The following ACAN variants were observed in gnomAD, a reference collection of about 807,000 sequenced individuals.
The protein encoded by ACAN is aggrecan, also known as aggrecan core protein.
In ACAN, 47 loss-of-function variants were observed where a neutral mutation model predicts 169.1. That is an observed-to-expected ratio of 0.28 (90% confidence interval 0.22 to 0.35). The LOEUF is 0.35. Among genes scored for constraint, ACAN ranks in the 10% least tolerant of loss-of-function variants. The pLI is 1.00. For synonymous variants in ACAN, 1,115 were observed against 1,112.2 expected, an observed-to-expected ratio of 1.00 and a Z score of -0.05; for missense variants, 2,716 against 2,759.9, an observed-to-expected ratio of 0.98 and a Z score of 0.36.
Position 88,860,370 on chromosome 15 carries a change from T to C in ACAN, c.6877T>C (p.Cys2293Arg). 6.2e-7 allele frequency: 1 copy of C among 1,613,524 alleles called. No individual in the cohort carries two copies. Among genetic ancestry groups the C allele is most frequent in the East Asian group, 2.2e-5 (1 of 44,870 alleles). Residue 2293 changes from cysteine to arginine, a missense_variant, in exon 13 of 19, where the codon TGC becomes CGC. This residue lies in a region of ACAN where 1,389 missense variants were observed against 1,363.7 expected (regional missense o/e 1.02). Transcript: ENST00000560601. ...AGAGGAGCCCTGTGGAGCTGGGACC[T>C]GCAAGGAGACAGAGGGACACGTCAT... ...CAEEPCGAGT[C>R]KETEGHVICL...
At chr15:88,810,277 G>A (rs558104517) in intron 1 of ACAN, among the ~76,000 whole-genome samples, 1 of 149,536 alleles carries the variant, frequency 6.7e-6, no homozygotes, top group East Asian at 1.9e-4. Flanking sequence ...TGGTCCTTGG[G>A]TTACCCATTG....
intron 1 of ACAN, among the ~76,000 whole-genome samples, chr15:88,826,979 C>T (rs1896240160): frequency 6.6e-6 from 1 of 152,208 alleles, no homozygotes. Flanking sequence ...GGCACGTTGT[C>T]TAACCTCTCT....
At position 88,872,878 on chromosome 15, in the gene ACAN, C is replaced by T. The variant is rs1301025256; in HGVS notation, c.7303-3C>T. On this transcript the variant is annotated splice_polypyrimidine_tract_variant and splice_region_variant and intron_variant, in intron 16 of 18. Coordinates refer to ENST00000560601, the MANE Select transcript of ACAN (RefSeq NM_001369268.1). The surrounding 1 kb of genome is among the most constrained non-coding windows in gnomAD (Gnocchi z 5.4). The stretch of plus-strand genomic sequence containing the variant: ...CTTACTCCTTCCCCACTCCCACCCA[C>T]AGCAATTTGAGAACTGGCGCCCCAA... 2 of 1,613,396 alleles carry T rather than the reference C, an allele frequency of 1.2e-6. No individual in the cohort carries two copies. Among genetic ancestry groups the T allele is most frequent in the East Asian group, 2.2e-5 (1 of 44,888 alleles).
chr15:88,832,125 C>T (rs1896379619), intron 1 of ACAN, among the ~76,000 whole-genome samples: 1 of 152,092 alleles, frequency 6.6e-6, no homozygotes, highest in African/African-American at 2.4e-5. Context: ...AGGCCAAAGA[C>T]CACCTGGCTG....
chr15:88,845,952 G>A (rs1164303254), intron 7 of ACAN, 70 bp downstream of exon 7: 13 of 1,409,456 alleles, frequency 9.2e-6, no homozygotes, highest in East Asian at 2.5e-5. Context: ...AGGGATTCCC[G>A]CAGTTGAAGG....
In ACAN at chr15:88,874,303, C is replaced by G; in HGVS notation, c.7631-102C>G. ...CCGATAAAGCCTCAGGCGCCTGAGT[C>G]CTGGTTTCCACAAGGGAGAGAGGGT... On this transcript the variant is annotated intron_variant, in intron 18 of 18. Transcript: ENST00000560601. The surrounding 1 kb of genome is among the most constrained non-coding windows in gnomAD (Gnocchi z 7.3). 8.1e-7 allele frequency: 1 copy of G among 1,240,506 alleles called. No homozygotes were observed. 76.8% of individuals were successfully genotyped at this position (1,240,506 alleles called of 1,614,324 possible). A position where few individuals can be genotyped will look rare whatever the true frequency, so the allele number is the denominator to read the frequency against.
intron 1 of ACAN, among the ~76,000 whole-genome samples, chr15:88,829,192 G>C (rs1027826890): frequency 1.7e-4 from 26 of 152,306 alleles, no homozygotes; most frequent in African/African-American, 5.5e-4. Context: ...AAAAAGACAA[G>C]GTGTTGAAGA....
chr15:88,812,205 C>G (rs1027450641), intron 1 of ACAN, among the ~76,000 whole-genome samples: 1 of 152,126 alleles, frequency 6.6e-6, no homozygotes, highest in Non-Finnish European at 1.5e-5. Context: ...CTCAGTGACC[C>G]AGGGACTCCC....
At position 88,814,589 on chromosome 15, in the gene ACAN, C is replaced by T. The variant is rs938521926; in HGVS notation, c.-8+10780C>T. Among the ~76,000 whole-genome samples the T allele has an allele frequency of 1.3e-5, 2 of 152,306 alleles. No homozygotes were observed. Among genetic ancestry groups the T allele is most frequent in the African/African-American group, 4.8e-5 (2 of 41,570 alleles). On this transcript the variant is annotated intron_variant, in intron 1 of 18. Transcript: ENST00000560601. The surrounding 1 kb of genome is among the most constrained non-coding windows in gnomAD (Gnocchi z 4.0). ...GTGGCAGGTTCTGCTGTACACAGGG[C>T]TCCCACAATGCATCACTCCAGAGGG...
At chr15:88,817,184 C>T (rs560689774) in intron 1 of ACAN, among the ~76,000 whole-genome samples, 1 of 152,274 alleles carries the variant, frequency 6.6e-6, no homozygotes, top group African/African-American at 2.4e-5. Context: ...ATTTGTCACC[C>T]AGGCTGGAGT....
intron 1 of ACAN, among the ~76,000 whole-genome samples, chr15:88,817,577 G>C (rs1394084352): frequency 1.3e-5 from 2 of 151,704 alleles, no homozygotes; most frequent in Non-Finnish European, 2.9e-5. Flanking sequence ...AAATTGGCCA[G>C]GCACGGTGGC....
At chr15:88,829,970 G>A (rs12914483) in intron 1 of ACAN, among the ~76,000 whole-genome samples, 94,220 of 151,774 alleles carry the variant, frequency 0.62, 29,583 homozygotes, top group Middle Eastern at 0.73. Context: ...GCTAAACAGT[G>A]TGTAGAAAGT....
chr15:88,836,413 C>G (rs750516644), intron 2 of ACAN, 137 bp downstream of exon 2: 1 of 776,630 alleles, frequency 1.3e-6, no homozygotes. Context: ...CCCCACCCTT[C>G]CCCTGTTGAT....
At chr15:88,817,993 G>GA (rs1895984815) in intron 1 of ACAN, among the ~76,000 whole-genome samples, 1 of 151,880 alleles carries the variant, frequency 6.6e-6, no homozygotes, top group Non-Finnish European at 1.5e-5. Context: ...TAGATATACA[G>GA]AAAAATAGAA....
At position 88,814,934 on chromosome 15, in the gene ACAN, G is replaced by A. The variant is rs1368134289; in HGVS notation, c.-8+11125G>A. 6.6e-6 allele frequency among the ~76,000 whole-genome samples: 1 copy of A among 151,464 alleles called. No individual in the cohort carries two copies. Among genetic ancestry groups the A allele is most frequent in the East Asian group, 1.9e-4 (1 of 5,156 alleles). On this transcript the variant is annotated intron_variant, in intron 1 of 18. Transcript: ENST00000560601. The surrounding 1 kb of genome is among the most constrained non-coding windows in gnomAD (Gnocchi z 4.0). ...GTGGGGAATCCTAAATGTACCAGAA[G>A]AACCTTTGGTGGTTCTCAGCCAGTT...
intron 1 of ACAN, among the ~76,000 whole-genome samples, chr15:88,809,218 G>T (rs753449413): frequency 6.6e-6 from 1 of 152,140 alleles, no homozygotes; most frequent in Non-Finnish European, 1.5e-5. Flanking sequence ...TTTGGGGCAG[G>T]GTTGCCATAG....
In ACAN at chr15:88,846,051, C is replaced by T. The variant is rs567489009; in HGVS notation, c.1429+169C>T. Reference sequence around the variant, plus strand: ...CATCTGTGGAACAAAAACAATAGGCCAGACTAGTCAGGTCCACACTCTTGC... The same window carrying T: ...CATCTGTGGAACAAAAACAATAGGCTAGACTAGTCAGGTCCACACTCTTGC... On this transcript the variant is annotated intron_variant, in intron 7 of 18. Transcript: ENST00000560601. Among the ~76,000 whole-genome samples, 342 of 152,302 alleles carry T rather than the reference C, an allele frequency of 2.2e-3. 1 individual carries two copies. Among genetic ancestry groups the T allele is most frequent in the African/African-American group, 8.0e-3 (331 of 41,552 alleles).
intron 1 of ACAN, among the ~76,000 whole-genome samples, chr15:88,821,269 A>T (rs1228280603): frequency 1.3e-5 from 2 of 152,124 alleles, no homozygotes; most frequent in African/African-American, 4.8e-5. Flanking sequence ...CCTCCCGAGT[A>T]GCTGGAACCA....
rs541225949 is a variant in ACAN at position 88,841,697 on chromosome 15, T to C, written c.630-43T>C. 12 of 1,612,540 alleles carry C rather than the reference T, an allele frequency of 7.4e-6. No homozygotes were observed. In the Admixed American group the frequency reaches 1.5e-4, roughly 20 times the overall value. ...CAAAGGCAGAGGCCATGGGCTTCCC[T>C]TTGTCCCCTGAGTGTCACACCTCCA... On this transcript the variant is annotated intron_variant, in intron 4 of 18. Coordinates refer to ENST00000560601, the MANE Select transcript of ACAN (RefSeq NM_001369268.1).
Sources: gnomAD v4.1 joint callset for allele counts (sites outside exome capture counted in the v4.1 genomes callset) on GRCh38, gnomAD v4.1.1 for gene constraint, gnomAD v4.1.1 regional missense constraint, Gnocchi (gnomAD v3.1) non-coding constraint, MANE v1.5 for transcripts, NCBI Gene and HGNC (gene_info 2026-07-23, HGNC 2026-07-21) for gene names.